SHLD2: variants seen among roughly 807,000 people sequenced by gnomAD.
The protein encoded by SHLD2 is shieldin complex subunit 2, also known as RINN1-REV7-interacting novel NHEJ regulator 2.
In SHLD2, 30 loss-of-function variants were observed where a neutral mutation model predicts 73.2. The observed-to-expected ratio is 0.41, with a 90% CI of 0.31 to 0.56. The LOEUF (loss-of-function observed/expected upper bound fraction) is 0.56, where lower values mean the gene tolerates loss of function less well. Ranked by LOEUF, SHLD2 falls within the 20% of genes least tolerant of loss-of-function variation. The pLI is 0.28. For missense variants in SHLD2, 745 were observed against 1,055.9 expected, an observed-to-expected ratio of 0.71 and a Z score of 4.08; for synonymous variants, 285 against 370.1, an observed-to-expected ratio of 0.77 and a Z score of 2.64.
intron 2 of SHLD2, among the ~76,000 whole-genome samples, chr10:87,122,637 T>C (rs1354234711): frequency 6.6e-6 from 1 of 152,146 alleles, no homozygotes; most frequent in Admixed American, 6.6e-5. Context: ...GTTGGAAAGC[T>C]GGTGCTAAGA....
At chr10:87,094,669 C>A, upstream of SHLD2, 1 of 1,558,596 alleles carries the variant, frequency 6.4e-7, no homozygotes. The surrounding 1 kb of genome is among the most constrained non-coding windows in gnomAD (Gnocchi z 6.6). Context: ...GGGCTGTCCC[C>A]GGGCCCAGCC....
intron 4 of SHLD2, among the ~76,000 whole-genome samples, chr10:87,168,456 A>G (rs1322415087): frequency 2.0e-5 from 3 of 151,718 alleles, no homozygotes; most frequent in East Asian, 3.9e-4. Flanking sequence ...AAAATTAGCT[A>G]GGTGTGGTGG....
Position 87,114,673 on chromosome 10 carries a change from C to T in SHLD2, c.-6+17684C>T, listed in dbSNP as rs188093232. On this transcript the variant is annotated intron_variant, in intron 2 of 9. Coordinates refer to ENST00000298786, the MANE Select transcript of SHLD2 (RefSeq NM_001330112.2). ...TCGGGAGGTGGAGGTTGCAGTGAGC[C>T]GAGATTGCGCCACTGCACTCCAGCC... 9.0e-4 allele frequency among the ~76,000 whole-genome samples: 137 copies of T among 152,022 alleles called. 2 individuals are homozygous for T. The highest frequency in any genetic ancestry group is 3.2e-3 in the African/African-American group (132 of 41,480).
At chr10:87,148,311 A>G (rs1173056985) in intron 2 of SHLD2, among the ~76,000 whole-genome samples, 2 of 152,236 alleles carry the variant, frequency 1.3e-5, no homozygotes, top group African/African-American at 2.4e-5. Flanking sequence ...TCCAATACAT[A>G]TCTGTCTTAA....
At chr10:87,167,792 A>G (rs1847307217) in intron 4 of SHLD2, among the ~76,000 whole-genome samples, 1 of 152,046 alleles carries the variant, frequency 6.6e-6, no homozygotes, top group African/African-American at 2.4e-5. Context: ...CTACAGGTGC[A>G]TGCCCCCATG....
At chr10:87,116,415 C>G (rs1346279218) in intron 2 of SHLD2, among the ~76,000 whole-genome samples, 1 of 150,446 alleles carries the variant, frequency 6.6e-6, no homozygotes, top group African/African-American at 2.5e-5. Flanking sequence ...TGTACATTGT[C>G]TTTGAGGTTA....
At chr10:87,124,699 C>A (rs1843862081) in intron 2 of SHLD2, among the ~76,000 whole-genome samples, 1 of 151,916 alleles carries the variant, frequency 6.6e-6, no homozygotes, top group African/African-American at 2.4e-5. Context: ...TATTTATACA[C>A]CCTTTGTAAA....
At chr10:87,167,006 T>G (rs375542062) in intron 4 of SHLD2, among the ~76,000 whole-genome samples, 13 of 152,060 alleles carry the variant, frequency 8.5e-5, no homozygotes, top group African/African-American at 2.7e-4. Flanking sequence ...AAATGGCTTC[T>G]AAGTAAAATT....
intron 2 of SHLD2, among the ~76,000 whole-genome samples, chr10:87,130,887 A>G (rs1195778319): frequency 6.6e-6 from 1 of 152,154 alleles, no homozygotes; most frequent in Non-Finnish European, 1.5e-5. Flanking sequence ...CCTGGGCAAC[A>G]TAGCAAAACC....
At chr10:87,121,065 G>A (rs1362592638) in intron 2 of SHLD2, among the ~76,000 whole-genome samples, 2 of 152,022 alleles carry the variant, frequency 1.3e-5, no homozygotes, top group Non-Finnish European at 2.9e-5. Flanking sequence ...AAAAAAGAGT[G>A]TTTTAGCAAA....
chr10:87,172,381 G>A (rs141480858), intron 6 of SHLD2, among the ~76,000 whole-genome samples: 88 of 152,260 alleles, frequency 5.8e-4, no homozygotes, highest in African/African-American at 2.0e-3. Context: ...TGATCAGGAA[G>A]ACAAGGTCAC....
chr10:87,106,232 T>C (rs1307626086), intron 2 of SHLD2, among the ~76,000 whole-genome samples: 1 of 152,198 alleles, frequency 6.6e-6, no homozygotes, highest in Non-Finnish European at 1.5e-5. Flanking sequence ...CTTGAACTCC[T>C]GATCTCAGGT....
chr10:87,155,272 T>C (rs1382331337), intron 3 of SHLD2, among the ~76,000 whole-genome samples: 1 of 152,202 alleles, frequency 6.6e-6, no homozygotes, highest in Non-Finnish European at 1.5e-5. Context: ...CACAAGATTG[T>C]AATGAACAGG....
At position 87,175,951 on chromosome 10, in the gene SHLD2, T is replaced by C. The variant is rs1448797802; in HGVS notation, c.2026T>C (p.Leu676=). 6.4e-7 allele frequency: 1 copy of C among 1,550,722 alleles called. No homozygotes were observed. Among genetic ancestry groups the C allele is most frequent in the Non-Finnish European group, 8.7e-7 (1 of 1,146,948 alleles). ...CAATTACACACTAGAAAACCTAGAA[T>C]TGCATACAACGCCTTGGTCATCCTG... ...QCNYTLENLE[L]HTTPWSSCEC... Residue 676 remains leucine (L), a synonymous_variant, in exon 7 of 10, where the codon TTG becomes CTG. Transcript: ENST00000298786.
rs375957611 is a variant in SHLD2, at chr10:87,186,910, GA to G, written c.2400-164del. Among the ~76,000 whole-genome samples, 168 of 144,930 alleles carry G rather than the reference GA, an allele frequency of 1.2e-3. 2 individuals carry two copies. In the South Asian group the frequency reaches 0.012, roughly 10 times the overall value. Reference sequence around the variant, plus strand: ...TAATTTATCATTTGAAGCTCTTGGGGAAAAAAAAAAACCTTTTTTTCCTTCT... The same window carrying G: ...TAATTTATCATTTGAAGCTCTTGGGGAAAAAAAAAACCTTTTTTTCCTTCT... On this transcript the variant is annotated intron_variant, in intron 8 of 9. Transcript: ENST00000298786.
intron 4 of SHLD2, among the ~76,000 whole-genome samples, chr10:87,166,852 G>C (rs545385866): frequency 6.6e-6 from 1 of 152,054 alleles, no homozygotes; most frequent in African/African-American, 2.4e-5. Context: ...GTGTGGTTTT[G>C]CCCAGTTGAA....
chr10:87,112,006 G>A (rs1471315297), intron 2 of SHLD2, among the ~76,000 whole-genome samples: 2 of 151,888 alleles, frequency 1.3e-5, no homozygotes, highest in Non-Finnish European at 2.9e-5. Flanking sequence ...GGGAGGCCAA[G>A]GTGGGCGGAT....
chr10:87,102,230 C>T (rs1421246107), intron 2 of SHLD2, among the ~76,000 whole-genome samples: 1 of 152,178 alleles, frequency 6.6e-6, no homozygotes, highest in African/African-American at 2.4e-5. Flanking sequence ...GTTCTCAACT[C>T]TTTTGGTCTT....
chr10:87,139,565 A>G (rs1447727041), intron 2 of SHLD2, among the ~76,000 whole-genome samples: 1 of 152,158 alleles, frequency 6.6e-6, no homozygotes, highest in Non-Finnish European at 1.5e-5. Context: ...AGAGAAATGA[A>G]TGATAGATAA....
Sources: gnomAD v4.1 joint callset for allele counts (sites outside exome capture counted in the v4.1 genomes callset) on GRCh38, gnomAD v4.1.1 for gene constraint, Gnocchi (gnomAD v3.1) non-coding constraint, MANE v1.5 for transcripts, NCBI Gene and HGNC (gene_info 2026-07-23, HGNC 2026-07-21) for gene names.